LRBA: variants seen among roughly 807,000 people sequenced by gnomAD.
LRBA encodes the protein lipopolysaccharide-responsive and beige-like anchor protein.
Under a neutral mutation model 330.0 loss-of-function variants are expected in LRBA, and 176 were observed. That is an observed-to-expected ratio of 0.53 (90% CI 0.47 to 0.60). The LOEUF is 0.60. LRBA is among the 20% of genes least tolerant of loss of function. LRBA has a pLI of 0.00. For synonymous variants in LRBA, 1,230 were observed against 1,193.0 expected, an observed-to-expected ratio of 1.03 and a Z score of -0.64; for missense variants, 3,259 against 3,444.8, an observed-to-expected ratio of 0.95 and a Z score of 1.35.
rs374927142 is a variant in LRBA at position 150,741,483 on chromosome 4, A to G, written c.5646-6117T>C. Among the ~76,000 whole-genome samples the G allele has an allele frequency of 2.7e-4, 41 of 152,316 alleles. No homozygotes were observed. The East Asian group carries it at 2.7e-3, about 10-fold the overall frequency. On this transcript the variant is annotated intron_variant, in intron 35 of 56. Transcript: ENST00000651943. ...ACTATACTCCACAGAATGGCTATAT[A>G]TGTTTAAAAGGCTGGCATCACCAAG...
intron 40 of LRBA, among the ~76,000 whole-genome samples, chr4:150,520,531 C>T (rs536879499): frequency 4.5e-4 from 68 of 151,978 alleles, no homozygotes; most frequent in African/African-American, 1.5e-3. Flanking sequence ...ATAGAAAAAA[C>T]AATTTTTATG....
intron 40 of LRBA, among the ~76,000 whole-genome samples, chr4:150,561,590 A>G (rs1040247250): frequency 1.3e-5 from 2 of 152,184 alleles, no homozygotes; most frequent in African/African-American, 4.8e-5. Flanking sequence ...GAATTAAGGA[A>G]GGAAGCCACA....
chr4:150,637,101 C>T (rs563586342), intron 37 of LRBA, among the ~76,000 whole-genome samples: 26 of 151,824 alleles, frequency 1.7e-4, no homozygotes, highest in African/African-American at 6.0e-4. Flanking sequence ...ATATATTATT[C>T]TCATAATTAT....
chr4:150,476,729 A>G (rs1443157608), intron 42 of LRBA, among the ~76,000 whole-genome samples: 1 of 152,226 alleles, frequency 6.6e-6, no homozygotes, highest in Non-Finnish European at 1.5e-5. Context: ...TTGCAGTGAA[A>G]CAGAAAAACT....
At chr4:150,953,730 C>T (rs1392334007) in intron 2 of LRBA, among the ~76,000 whole-genome samples, 1 of 151,498 alleles carries the variant, frequency 6.6e-6, no homozygotes, top group Non-Finnish European at 1.5e-5. Flanking sequence ...ACCTCCCAGC[C>T]GCCTGCCTTG....
intron 28 of LRBA, among the ~76,000 whole-genome samples, chr4:150,838,863 G>T (rs1748595298): frequency 6.6e-6 from 1 of 152,016 alleles, no homozygotes; most frequent in Non-Finnish European, 1.5e-5. Flanking sequence ...GAGGGGGAGA[G>T]GTGCTCTGAT....
chr4:150,939,469 G>T (rs1735440924), intron 2 of LRBA, among the ~76,000 whole-genome samples: 1 of 152,172 alleles, frequency 6.6e-6, no homozygotes, highest in African/African-American at 2.4e-5. Flanking sequence ...ACATGAAACA[G>T]ATTCTCACAA....
chr4:150,924,348 G>A (rs1579218877), intron 4 of LRBA, among the ~76,000 whole-genome samples: 1 of 151,932 alleles, frequency 6.6e-6, no homozygotes. Context: ...TCCATCTCTA[G>A]AAAACAATAC....
intron 40 of LRBA, among the ~76,000 whole-genome samples, chr4:150,545,752 T>C (rs1005406277): frequency 6.6e-6 from 1 of 152,086 alleles, no homozygotes; most frequent in Non-Finnish European, 1.5e-5. Context: ...AAGGTAGTCA[T>C]TAAAAACATG....
chr4:150,529,741 A>AT (rs950434762), intron 40 of LRBA, among the ~76,000 whole-genome samples: 9 of 151,950 alleles, frequency 5.9e-5, no homozygotes, highest in Non-Finnish European at 1.0e-4. Context: ...AAGAAAAAAA[A>AT]AATAATAACC....
intron 56 of LRBA, among the ~76,000 whole-genome samples, chr4:150,269,055 C>T (rs1043104570): frequency 4.6e-5 from 7 of 151,974 alleles, no homozygotes; most frequent in Non-Finnish European, 8.8e-5. Context: ...ATATACAACA[C>T]GAAAATCAGT....
intron 35 of LRBA, among the ~76,000 whole-genome samples, chr4:150,752,412 T>C (rs768660700): frequency 6.6e-6 from 1 of 152,164 alleles, no homozygotes; most frequent in African/African-American, 2.4e-5. Context: ...GGTTCTAACA[T>C]CACAGAATAC....
chr4:150,350,008 T>A lies in LRBA; in HGVS notation c.7346A>T (p.Asp2449Val), dbSNP rs751392230. ...ATAACTTACCTCTCTCAACACAGGA[T>A]CAGTTATTGAATTCAGATTGACAGC... ...EGAVNLNSIT[D>V]PVLREAVEAQ... is the part of the protein sequence containing the mutation. The change falls in exon 48 of 57, where the codon GAT becomes GTT. Residue 2449 changes from aspartate to valine, a missense_variant. Physicochemically the swap from Asp to Val is radical, Grantham distance 152 (BLOSUM62 -3). Coordinates refer to ENST00000651943, the MANE Select transcript of LRBA (RefSeq NM_001364905.1). 1 of 1,613,646 alleles carries A rather than the reference T, an allele frequency of 6.2e-7. No individual in the cohort carries two copies. Among genetic ancestry groups the A allele is most frequent in the Non-Finnish European group, 8.5e-7 (1 of 1,179,752 alleles).
chr4:150,827,323 T>C (rs1490867456), intron 30 of LRBA, among the ~76,000 whole-genome samples: 1 of 152,144 alleles, frequency 6.6e-6, no homozygotes, highest in Non-Finnish European at 1.5e-5. Flanking sequence ...TTGTACCACA[T>C]AGAAACATTT....
At chr4:150,344,900 GTC>G (rs371359780) in intron 48 of LRBA, among the ~76,000 whole-genome samples, 1 of 151,708 alleles carries the variant, frequency 6.6e-6, no homozygotes, top group Non-Finnish European at 1.5e-5. Flanking sequence ...TGGCTCCTGT[GTC>G]TCTCTCTCTC....
At chr4:150,962,248 T>A (rs1372169395) in intron 2 of LRBA, among the ~76,000 whole-genome samples, 1 of 149,542 alleles carries the variant, frequency 6.7e-6, no homozygotes, top group Non-Finnish European at 1.5e-5. Flanking sequence ...CCAGACACAG[T>A]GGCTCACACC....
intron 52 of LRBA, among the ~76,000 whole-genome samples, chr4:150,307,344 TG>T (rs1730488378): frequency 6.6e-6 from 1 of 152,188 alleles, no homozygotes; most frequent in East Asian, 1.9e-4. Flanking sequence ...GTGGTGGTGG[TG>T]AATTACTCTA....
At chr4:150,637,383 T>C (rs1007743289) in intron 37 of LRBA, among the ~76,000 whole-genome samples, 14 of 152,182 alleles carry the variant, frequency 9.2e-5, no homozygotes. Flanking sequence ...TTTGTTGTGC[T>C]TTTTCAACAT....
intron 56 of LRBA, among the ~76,000 whole-genome samples, chr4:150,269,920 G>A (rs1250900908): frequency 6.6e-6 from 1 of 152,128 alleles, no homozygotes; most frequent in Non-Finnish European, 1.5e-5. Context: ...CTCCAGTCTG[G>A]GCAAAAGAGT....
Sources: gnomAD v4.1 joint callset for allele counts (sites outside exome capture counted in the v4.1 genomes callset) on GRCh38, gnomAD v4.1.1 for gene constraint, MANE v1.5 for transcripts, NCBI Gene and HGNC (gene_info 2026-07-23, HGNC 2026-07-21) for gene names.